Variants in MCM9 observed in about 807,000 individuals in gnomAD.
MCM9 encodes minichromosome maintenance 9 homologous recombination repair factor.
Under a neutral mutation model 72.8 loss-of-function variants are expected in MCM9, and 55 were observed. The ratio of observed to expected loss-of-function variants is 0.76; its 90% CI spans 0.61 to 0.95. The LOEUF is 0.95. Among genes scored for constraint, MCM9 ranks in the 40% least tolerant of loss-of-function variants. MCM9 has a pLI of 0.00. For missense variants in MCM9, 1,279 were observed against 1,377.0 expected, an observed-to-expected ratio of 0.93 and a Z score of 1.13; for synonymous variants, 480 against 503.4, an observed-to-expected ratio of 0.95 and a Z score of 0.62.
intron 8 of MCM9, among the ~76,000 whole-genome samples, chr6:118,898,581 C>T (rs527694786): frequency 2.6e-5 from 4 of 152,014 alleles, no homozygotes; most frequent in Non-Finnish European, 5.9e-5. Context: ...TGTGCCACCC[C>T]TAATTTTTGT....
chr6:118,893,491 G>A (rs2114468702), intron 8 of MCM9, among the ~76,000 whole-genome samples: 1 of 152,074 alleles, frequency 6.6e-6, no homozygotes, highest in South Asian at 2.1e-4. Flanking sequence ...CGAAGAAGAC[G>A]CCCAGGTGCA....
chr6:118,915,661 A>G (rs950928780), intron 6 of MCM9, among the ~76,000 whole-genome samples: 1 of 152,060 alleles, frequency 6.6e-6, no homozygotes, highest in African/African-American at 2.4e-5. Flanking sequence ...CAGCTTCCCA[A>G]CTTCACCTCT....
rs1773256280 is a variant in MCM9 at position 118,813,906 on chromosome 6, T to C, written c.*918A>G. On this transcript the variant is annotated 3_prime_UTR_variant, in exon 14 of 14. Transcript: ENST00000619706. ...TAGTCTCTCTTCTTCATTTATTTTATTTTTAGAGACAGGATCTCACTCTGT... is the reference window on the plus strand; with the variant it reads ...TAGTCTCTCTTCTTCATTTATTTTACTTTTAGAGACAGGATCTCACTCTGT... 1 of 152,186 alleles carries C rather than the reference T, an allele frequency of 6.6e-6. No individual in the cohort carries two copies. Among genetic ancestry groups the C allele is most frequent in the African/African-American group, 2.4e-5 (1 of 41,440 alleles). The allele number at this position is 152,186 out of a possible 1,614,324, so 9.4% of individuals were successfully genotyped here.
rs1446317116 is a variant in MCM9, at chr6:118,814,873, T to G, written c.3383A>C (p.Asp1128Ala). 1 of 1,536,562 alleles carries G rather than the reference T, an allele frequency of 6.5e-7. No homozygotes were observed. The highest frequency in any genetic ancestry group is 2.5e-5 in the East Asian group (1 of 40,790). ...ESLFTLPELGDEAFDCDWDEE... is the reference protein window; with the variant it reads ...ESLFTLPELGAEAFDCDWDEE... The stretch of plus-strand genomic sequence containing the variant: ...ATCCCAGTCACAATCAAATGCTTCA[T>G]CACCTAGTTCTGGTAAAGTGAAGAG... Residue 1128 changes from aspartate to alanine, a missense_variant, in exon 14 of 14, where the codon GAT becomes GCT. Coordinates refer to ENST00000619706, the MANE Select transcript of MCM9 (RefSeq NM_017696.3).
chr6:118,932,252 G>A (rs9320670), intron 2 of MCM9, among the ~76,000 whole-genome samples: 88,290 of 152,044 alleles, frequency 0.58, 26,185 homozygotes, highest in East Asian at 0.69. Context: ...GCCTAGGTGT[G>A]TAGTAGGCTG....
rs1225619989 is a variant in MCM9, at chr6:118,934,964, G to A, written c.-223C>T. The A allele has an allele frequency of 6.6e-6, 1 of 152,224 alleles. No individual in the cohort carries two copies. The highest frequency in any genetic ancestry group is 2.1e-4 in the South Asian group (1 of 4,838). 9.4% of individuals were successfully genotyped at this position (152,224 alleles called of 1,614,324 possible). A position where few individuals can be genotyped will look rare whatever the true frequency, so the allele number is the denominator to read the frequency against. On this transcript the variant is annotated 5_prime_UTR_variant, in exon 1 of 14. Transcript: ENST00000619706. ...GCCCAGAGAGCTCCAGCCAGGCAGC[G>A]GGTTCGTCTCCGGCGCAAGAAGGCT...
chr6:118,888,279 G>A (rs1031962363), intron 8 of MCM9, among the ~76,000 whole-genome samples: 6 of 152,152 alleles, frequency 3.9e-5, no homozygotes, highest in African/African-American at 7.2e-5. Flanking sequence ...AAGGTCAGTA[G>A]ATCGAGACCA....
Position 118,813,887 on chromosome 6 carries a change from C to G in MCM9, c.*937G>C, listed in dbSNP as rs1308379388. 1 of 152,068 alleles carries G rather than the reference C, an allele frequency of 6.6e-6. No homozygotes were observed. Among genetic ancestry groups the G allele is most frequent in the Non-Finnish European group, 1.5e-5 (1 of 68,030 alleles). The allele number at this position is 152,068 out of a possible 1,614,324, so 9.4% of individuals were successfully genotyped here. On this transcript the variant is annotated 3_prime_UTR_variant, in exon 14 of 14. Coordinates refer to ENST00000619706, the MANE Select transcript of MCM9 (RefSeq NM_017696.3). ...TTTGATTGAGACTACCACATAGTCT[C>G]TCTTCTTCATTTATTTTATTTTTAG...
intron 8 of MCM9, among the ~76,000 whole-genome samples, chr6:118,877,510 C>T (rs1227527266): frequency 2.0e-5 from 3 of 152,168 alleles, no homozygotes; most frequent in African/African-American, 7.2e-5. Context: ...TACACACCCA[C>T]AAGTATGGTT....
At chr6:118,857,626 C>CAAAAAA (rs1203197065) in intron 8 of MCM9, among the ~76,000 whole-genome samples, 8 of 70,948 alleles carry the variant, frequency 1.1e-4, no homozygotes, top group East Asian at 4.3e-4. Flanking sequence ...CCAGACTGAC[C>CAAAAAA]AAAAAAAAAA....
intron 8 of MCM9, among the ~76,000 whole-genome samples, chr6:118,857,616 C>A (rs1176519173): frequency 3.0e-5 from 4 of 132,866 alleles, no homozygotes; most frequent in African/African-American, 1.2e-4. Context: ...AAACTTCTGT[C>A]CAGACTGACC....
chr6:118,892,541 G>A (rs1412101241), intron 8 of MCM9, among the ~76,000 whole-genome samples: 1 of 152,202 alleles, frequency 6.6e-6, no homozygotes, highest in African/African-American at 2.4e-5. Flanking sequence ...CAGTCTCACA[G>A]GAGTTTTAAT....
intron 7 of MCM9, 179 bp downstream of exon 7, chr6:118,913,116 A>G: frequency 1.5e-6 from 1 of 654,366 alleles, no homozygotes; most frequent in South Asian, 2.5e-5. Flanking sequence ...CTGGAACTCT[A>G]GAAAGTAGCT....
intron 9 of MCM9, among the ~76,000 whole-genome samples, chr6:118,852,079 C>T (rs747601716): frequency 2.6e-5 from 4 of 152,106 alleles, no homozygotes; most frequent in Non-Finnish European, 5.9e-5. Flanking sequence ...ATGGTATAGC[C>T]TATTGCTCCG....
chr6:118,853,272 A>C (rs752368264), intron 9 of MCM9, among the ~76,000 whole-genome samples: 5 of 152,152 alleles, frequency 3.3e-5, no homozygotes, highest in African/African-American at 4.8e-5. Flanking sequence ...ATTCTCTTCC[A>C]TTGAAGAGTC....
chr6:118,905,028 G>A (rs1780079151), intron 8 of MCM9, among the ~76,000 whole-genome samples: 1 of 152,124 alleles, frequency 6.6e-6, no homozygotes, highest in South Asian at 2.1e-4. Flanking sequence ...AATAGAGATG[G>A]GGTTTCATCA....
chr6:118,847,422 C>CAAAAAAAAAAA (rs368957444), intron 9 of MCM9, among the ~76,000 whole-genome samples: 2 of 113,856 alleles, frequency 1.8e-5, no homozygotes, highest in Non-Finnish European at 3.4e-5. Context: ...CATGAATCTT[C>CAAAAAAAAAAA]AAAAAAAAAA....
intron 9 of MCM9, among the ~76,000 whole-genome samples, chr6:118,854,668 T>C (rs1776445974): frequency 6.6e-6 from 1 of 152,232 alleles, no homozygotes; most frequent in African/African-American, 2.4e-5. Flanking sequence ...TAGGTTTTCA[T>C]AGATAGCATT....
chr6:118,858,769 C>A (rs1254527344), intron 8 of MCM9, among the ~76,000 whole-genome samples: 4 of 152,022 alleles, frequency 2.6e-5, no homozygotes, highest in African/African-American at 9.7e-5. Context: ...ATCATGACAA[C>A]CAAATTGAGA....
Sources: gnomAD v4.1 joint callset for allele counts (sites outside exome capture counted in the v4.1 genomes callset) on GRCh38, gnomAD v4.1.1 for gene constraint, MANE v1.5 for transcripts, NCBI Gene and HGNC (gene_info 2026-07-23, HGNC 2026-07-21) for gene names.